Variants in KHDRBS2 observed in about 807,000 individuals in gnomAD.
KHDRBS2 encodes the protein KH domain-containing, RNA-binding, signal transduction-associated protein 2.
A neutral mutation model predicts 44.3 loss-of-function variants in KHDRBS2; 26 were observed. The ratio of observed to expected loss-of-function variants is 0.59; its 90% confidence interval spans 0.43 to 0.81. KHDRBS2 has a LOEUF of 0.81. Among genes scored for constraint, KHDRBS2 ranks in the 40% least tolerant of loss-of-function variants. The pLI, the probability that KHDRBS2 is intolerant of heterozygous loss-of-function variation, is 0.00. For synonymous variants in KHDRBS2, 194 were observed against 151.1 expected (o/e 1.28, Z -2.08); for missense variants, 476 against 433.1 (o/e 1.10, Z -0.88).
intron 7 of KHDRBS2, among the ~76,000 whole-genome samples, chr6:61,715,551 A>G (rs1453505096): frequency 6.6e-6 from 1 of 151,954 alleles, no homozygotes; most frequent in Non-Finnish European, 1.5e-5. Flanking sequence ...TTCACTTAAC[A>G]TTACAATCTC....
At chr6:62,013,594 CATT>C (rs1780691316) in intron 3 of KHDRBS2, among the ~76,000 whole-genome samples, 1 of 151,934 alleles carries the variant, frequency 6.6e-6, no homozygotes, top group Non-Finnish European at 1.5e-5. Context: ...ACTATTATTA[CATT>C]ATTATTATAA....
At chr6:61,688,916 T>C (rs1469436675) in intron 8 of KHDRBS2, among the ~76,000 whole-genome samples, 4 of 151,902 alleles carry the variant, frequency 2.6e-5, no homozygotes, top group African/African-American at 9.7e-5. Context: ...CCACACCTTA[T>C]AGTTTATACT....
rs374683027 is a variant in KHDRBS2, at chr6:62,285,998, C to A, written c.-50G>T. The A allele has an allele frequency of 1.7e-6, 2 of 1,180,822 alleles. No homozygotes were observed. Among genetic ancestry groups the A allele is most frequent in the East Asian group, 2.4e-5 (1 of 41,194 alleles). 73.1% of individuals were successfully genotyped at this position (1,180,822 alleles called of 1,614,324 possible). On this transcript the variant is annotated 5_prime_UTR_variant, in exon 1 of 9. Transcript: ENST00000281156. ...GGCGAAGCGCGAGGTTCCGCTCGCT[C>A]GGACGCAGGCAGGGTCTTGGGGCAG... is the stretch of plus-strand genomic sequence containing the variant.
At chr6:62,270,156 T>C (rs1203574991) in intron 1 of KHDRBS2, among the ~76,000 whole-genome samples, 2 of 151,880 alleles carry the variant, frequency 1.3e-5, no homozygotes, top group South Asian at 2.1e-4. Flanking sequence ...TGCTGGGAGG[T>C]GTTTGGATCC....
chr6:62,056,256 C>T (rs1398630847), intron 2 of KHDRBS2, among the ~76,000 whole-genome samples: 1 of 151,592 alleles, frequency 6.6e-6, no homozygotes, highest in African/African-American at 2.4e-5. Context: ...TTACTCATAA[C>T]TATATAAAAT....
At chr6:61,692,969 A>G (rs1199458123) in intron 8 of KHDRBS2, among the ~76,000 whole-genome samples, 1 of 152,094 alleles carries the variant, frequency 6.6e-6, no homozygotes, top group Non-Finnish European at 1.5e-5. Context: ...ATTCCATTGG[A>G]ATTTAGTATC....
At chr6:61,803,491 T>G (rs1339204587) in intron 6 of KHDRBS2, among the ~76,000 whole-genome samples, 2 of 152,174 alleles carry the variant, frequency 1.3e-5, no homozygotes, top group East Asian at 1.9e-4. Flanking sequence ...TTGTACGTAC[T>G]ATATGCCAGG....
At chr6:61,721,140 C>T (rs985662290) in intron 7 of KHDRBS2, among the ~76,000 whole-genome samples, 1 of 151,832 alleles carries the variant, frequency 6.6e-6, no homozygotes, top group East Asian at 1.9e-4. Context: ...TGATCTGTAT[C>T]TCTGTTTTGG....
chr6:61,632,105 T>G, the KHDRBS2 span, among the ~76,000 whole-genome samples: 1 of 152,198 alleles, frequency 6.6e-6, no homozygotes, highest in African/African-American at 2.4e-5. Flanking sequence ...TACTGTTTTT[T>G]CATCATTATG....
chr6:62,015,489 TC>T (rs1403415475), intron 3 of KHDRBS2, among the ~76,000 whole-genome samples: 1 of 152,096 alleles, frequency 6.6e-6, no homozygotes, highest in Admixed American at 6.6e-5. Flanking sequence ...TAGTCTATAT[TC>T]CTCTAGTAAA....
chr6:62,195,973 A>C (rs1219850922), intron 1 of KHDRBS2, among the ~76,000 whole-genome samples: 2 of 152,172 alleles, frequency 1.3e-5, no homozygotes, highest in Non-Finnish European at 2.9e-5. Context: ...CCTGTTTCTA[A>C]AAATATTAAA....
At position 62,153,496 on chromosome 6, in the gene KHDRBS2, T is replaced by A. The variant is rs546058287; in HGVS notation, c.219+23689A>T. On this transcript the variant is annotated intron_variant, in intron 2 of 8. Coordinates refer to ENST00000281156, the MANE Select transcript of KHDRBS2 (RefSeq NM_152688.4). ...TTAGAAAACGTTTCAGCCTTTATATTTTTTTTAAGCACGAAAAAGTAACTA... is the reference window on the plus strand; with the variant it reads ...TTAGAAAACGTTTCAGCCTTTATATATTTTTTAAGCACGAAAAAGTAACTA... Among the ~76,000 whole-genome samples the A allele has an allele frequency of 2.8e-4, 42 of 149,508 alleles. 1 individual carries two copies. In the South Asian group the frequency reaches 8.4e-3, roughly 30 times the overall value.
intron 6 of KHDRBS2, among the ~76,000 whole-genome samples, chr6:61,806,805 C>T (rs1787238627): frequency 6.6e-6 from 1 of 151,758 alleles, no homozygotes; most frequent in South Asian, 2.1e-4. Flanking sequence ...ACTTATTTTT[C>T]AATTTTTAAT....
At chr6:61,978,985 T>G (rs1396678605) in intron 3 of KHDRBS2, among the ~76,000 whole-genome samples, 1 of 152,114 alleles carries the variant, frequency 6.6e-6, no homozygotes, top group African/African-American at 2.4e-5. Context: ...ACATTTCTAT[T>G]GGAAGAGACT....
chr6:62,164,636 C>G (rs1585020735), intron 2 of KHDRBS2, among the ~76,000 whole-genome samples: 1 of 151,804 alleles, frequency 6.6e-6, no homozygotes, highest in Admixed American at 6.6e-5. Context: ...GGAACAAACT[C>G]ATTTGTTTCA....
At chr6:61,608,533 C>T in the KHDRBS2 span, among the ~76,000 whole-genome samples, 1 of 151,866 alleles carries the variant, frequency 6.6e-6, no homozygotes, top group African/African-American at 2.4e-5. Context: ...TGGTTTGCTG[C>T]ACTCATCAAC....
intron 1 of KHDRBS2, among the ~76,000 whole-genome samples, chr6:62,261,031 T>A (rs1273152879): frequency 6.6e-6 from 1 of 151,922 alleles, no homozygotes; most frequent in Non-Finnish European, 1.5e-5. Flanking sequence ...AATATATTTC[T>A]TTTAGACTAC....
At chr6:61,547,306 T>C in the KHDRBS2 span, among the ~76,000 whole-genome samples, 7 of 152,192 alleles carry the variant, frequency 4.6e-5, no homozygotes, top group Non-Finnish European at 4.4e-5. Context: ...TACATTCTTT[T>C]AAGTGTGCAT....
At chr6:62,108,716 G>T (rs949930843) in intron 2 of KHDRBS2, among the ~76,000 whole-genome samples, 1 of 152,156 alleles carries the variant, frequency 6.6e-6, no homozygotes, top group Non-Finnish European at 1.5e-5. Flanking sequence ...AACAATGATA[G>T]ACTGGATTAA....
Sources: allele counts gnomAD v4.1 joint callset (sites outside exome capture counted in the v4.1 genomes callset), GRCh38; gene constraint gnomAD v4.1.1; transcripts MANE v1.5; gene names NCBI Gene and HGNC (gene_info 2026-07-23, HGNC 2026-07-21).